The following CDK6 variants were observed in gnomAD, a reference collection of about 807,000 sequenced individuals.
The protein encoded by CDK6 is cyclin dependent kinase 6.
In CDK6, 6 loss-of-function variants were observed where a neutral mutation model predicts 37.1. The observed-to-expected ratio is 0.16, with a 90% confidence interval of 0.09 to 0.32. CDK6 has a LOEUF of 0.32. Among genes scored for constraint, CDK6 ranks in the 10% least tolerant of loss-of-function variants. The pLI, the probability that CDK6 is intolerant of heterozygous loss-of-function variation, is 1.00. For missense variants in CDK6, 224 were observed against 418.9 expected, an observed-to-expected ratio of 0.53 and a Z score of 4.06; for synonymous variants, 160 against 161.3, an observed-to-expected ratio of 0.99 and a Z score of 0.06.
At chr7:92,808,832 T>C (rs1800793596) in intron 2 of CDK6, among the ~76,000 whole-genome samples, 1 of 152,172 alleles carries the variant, frequency 6.6e-6, no homozygotes, top group African/African-American at 2.4e-5. Context: ...CTGCATATTT[T>C]CAGTATGATT....
intron 4 of CDK6, among the ~76,000 whole-genome samples, chr7:92,701,458 T>C (rs1797842133): frequency 6.6e-6 from 1 of 150,480 alleles, no homozygotes. Flanking sequence ...CAGGCTGGAG[T>C]GTAGTGGTGC....
intron 4 of CDK6, among the ~76,000 whole-genome samples, chr7:92,699,616 T>G (rs1376354242): frequency 1.3e-5 from 2 of 152,188 alleles, no homozygotes; most frequent in African/African-American, 4.8e-5. Context: ...TATGAGACAT[T>G]TACAATGTCA....
intron 2 of CDK6, among the ~76,000 whole-genome samples, chr7:92,831,818 A>G (rs1801489687): frequency 6.6e-6 from 1 of 152,210 alleles, no homozygotes. Flanking sequence ...ATAAGAGGAG[A>G]CAAGTTAAAA....
chr7:92,711,171 A>G (rs555277194), intron 4 of CDK6, among the ~76,000 whole-genome samples: 1 of 152,358 alleles, frequency 6.6e-6, no homozygotes, highest in Admixed American at 6.5e-5. Flanking sequence ...ACATAAGCCC[A>G]AAGATGTTCA....
chr7:92,676,956 CAAAA>C (rs1199410067), intron 4 of CDK6, among the ~76,000 whole-genome samples: 2 of 65,154 alleles, frequency 3.1e-5, no homozygotes. Flanking sequence ...GACTCCGTCT[CAAAA>C]AAAAAAAAAA....
At chr7:92,803,281 C>T (rs190542145) in intron 2 of CDK6, among the ~76,000 whole-genome samples, 60 of 152,292 alleles carry the variant, frequency 3.9e-4, no homozygotes, top group African/African-American at 1.4e-3. Flanking sequence ...GGAAAGAAGA[C>T]ATGCACATGT....
rs189675043 is a variant in CDK6 at position 92,609,889 on chromosome 7, C to T, written c.*5251G>A. ...TGGGTGTATTATCCATCCTTAAGAA[C>T]AATTTATTTGCAGACAATTGTTCAG... On this transcript the variant is annotated 3_prime_UTR_variant, in exon 8 of 8. Coordinates refer to ENST00000424848, the MANE Select transcript of CDK6 (RefSeq NM_001145306.2). 8.7e-6 allele frequency: 2 copies of T among 230,268 alleles called. No homozygotes were observed. Among genetic ancestry groups the T allele is most frequent in the Non-Finnish European group, 1.7e-5 (2 of 116,422 alleles). The allele number at this position is 230,268 out of a possible 1,614,324, so 14.3% of individuals were successfully genotyped here. A position where few individuals can be genotyped will look rare whatever the true frequency, so the allele number is the denominator to read the frequency against.
At chr7:92,771,275 A>G (rs1429036370) in intron 3 of CDK6, among the ~76,000 whole-genome samples, 1 of 148,608 alleles carries the variant, frequency 6.7e-6, no homozygotes, top group African/African-American at 2.5e-5. Flanking sequence ...TATCTTAGAT[A>G]TGTGACTCCG....
intron 2 of CDK6, among the ~76,000 whole-genome samples, chr7:92,778,314 C>T (rs2115801750): frequency 6.6e-6 from 1 of 152,264 alleles, no homozygotes; most frequent in East Asian, 1.9e-4. Flanking sequence ...CATTTATCTA[C>T]TTCTAAACAT....
At chr7:92,674,243 T>C (rs1797156659) in intron 4 of CDK6, among the ~76,000 whole-genome samples, 2 of 152,136 alleles carry the variant, frequency 1.3e-5, no homozygotes. Context: ...TCTCCACATA[T>C]GTAAATTTCA....
chr7:92,623,120 T>C (rs1795842253), intron 5 of CDK6, 34 bp from the exon 6 acceptor site: 1 of 1,332,616 alleles, frequency 7.5e-7, no homozygotes. Context: ...AAATAAGAAA[T>C]GTTCTCAGAT....
intron 4 of CDK6, among the ~76,000 whole-genome samples, chr7:92,716,810 T>C (rs913749905): frequency 6.6e-6 from 1 of 152,122 alleles, no homozygotes; most frequent in African/African-American, 2.4e-5. Context: ...TTAGGGGAGA[T>C]GGAATTATCT....
chr7:92,643,777 A>G (rs558063383), intron 5 of CDK6, among the ~76,000 whole-genome samples: 2 of 152,344 alleles, frequency 1.3e-5, no homozygotes, highest in East Asian at 3.9e-4. Context: ...CATCACAAAT[A>G]TGATATAAAT....
In CDK6 at chr7:92,733,089, T is replaced by G. The variant is rs889422818; in HGVS notation, c.370-7296A>C. On this transcript the variant is annotated intron_variant, in intron 3 of 7. Coordinates refer to ENST00000424848, the MANE Select transcript of CDK6 (RefSeq NM_001145306.2). Reference sequence around the variant, plus strand: ...CTAACTTAATTAAAATTATATTAACTTAAATATGTTATGAACATTATCTTT... The same window carrying G: ...CTAACTTAATTAAAATTATATTAACGTAAATATGTTATGAACATTATCTTT... Among the ~76,000 whole-genome samples the G allele has an allele frequency of 2.4e-4, 36 of 152,196 alleles. 1 individual carries two copies. The highest frequency in any genetic ancestry group is 2.2e-4 in the Non-Finnish European group (15 of 68,026).
chr7:92,684,875 C>T (rs1453641310), intron 4 of CDK6, among the ~76,000 whole-genome samples: 3 of 152,020 alleles, frequency 2.0e-5, no homozygotes, highest in Admixed American at 2.0e-4. Context: ...AATCATATTA[C>T]TTGACATAAG....
chr7:92,703,612 T>C (rs992605563), intron 4 of CDK6, among the ~76,000 whole-genome samples: 1 of 152,182 alleles, frequency 6.6e-6, no homozygotes, highest in African/African-American at 2.4e-5. Context: ...TATCTGTGTG[T>C]TATGTATGCA....
intron 4 of CDK6, among the ~76,000 whole-genome samples, chr7:92,703,978 C>A (rs1018103726): frequency 1.3e-5 from 2 of 152,180 alleles, no homozygotes; most frequent in African/African-American, 4.8e-5. Context: ...GCTGCACTGA[C>A]CTTCTTGCTT....
intron 4 of CDK6, among the ~76,000 whole-genome samples, chr7:92,702,165 A>G (rs1384861198): frequency 6.6e-6 from 1 of 151,584 alleles, no homozygotes; most frequent in Non-Finnish European, 1.5e-5. Context: ...TCCTTATAGA[A>G]GAAAAATTGC....
At chr7:92,790,198 T>C (rs1400503521) in intron 2 of CDK6, among the ~76,000 whole-genome samples, 1 of 152,114 alleles carries the variant, frequency 6.6e-6, no homozygotes, top group African/African-American at 2.4e-5. Flanking sequence ...CACACCCCCA[T>C]CCAAATAATT....
Sources: allele counts gnomAD v4.1 joint callset (sites outside exome capture counted in the v4.1 genomes callset), GRCh38; gene constraint gnomAD v4.1.1; transcripts MANE v1.5; gene names NCBI Gene and HGNC (gene_info 2026-07-23, HGNC 2026-07-21).